Variants in ZC4H2 observed in about 807,000 individuals in gnomAD.
ZC4H2 encodes zinc finger C4H2 domain-containing protein.
For synonymous variants in ZC4H2, 84 were observed against 66.3 expected, an observed-to-expected ratio of 1.27 and a Z score of -1.30; for missense variants, 137 against 173.9, an observed-to-expected ratio of 0.79 and a Z score of 1.19.
At chrX:64,978,634 A>T (rs1168401602), upstream of ZC4H2, among the ~76,000 whole-genome samples, 3 of 111,984 alleles carry the variant, frequency 2.7e-5, no homozygotes, top group South Asian at 7.4e-4. Context: ...TGACTCAGAT[A>T]GGGAAAGTTG....
intron 1 of ZC4H2, among the ~76,000 whole-genome samples, chrX:64,924,877 G>A (rs748592151): frequency 4.0e-4 from 45 of 111,146 alleles, no homozygotes; most frequent in African/African-American, 1.4e-3. Flanking sequence ...AGAATGGGAC[G>A]AGTTGGGACT....
intron 1 of ZC4H2, among the ~76,000 whole-genome samples, chrX:65,018,073 T>G (rs1466537017): frequency 8.9e-6 from 1 of 112,074 alleles, no homozygotes; most frequent in African/African-American, 3.2e-5. Flanking sequence ...AAACTATGCA[T>G]CTGACAAGGG....
intron 1 of ZC4H2, among the ~76,000 whole-genome samples, chrX:65,006,216 C>A (rs953657465): frequency 1.3e-4 from 14 of 111,503 alleles, no homozygotes; most frequent in African/African-American, 4.3e-4. Context: ...TGGGTATATA[C>A]CCAAAGCATT....
chrX:64,958,969 T>C (rs770877807), intron 1 of ZC4H2, among the ~76,000 whole-genome samples: 23 of 111,353 alleles, frequency 2.1e-4, no homozygotes, highest in Non-Finnish European at 4.0e-4. Context: ...GACCCTCTGA[T>C]TTTCAGCTGG....
intron 1 of ZC4H2, among the ~76,000 whole-genome samples, chrX:64,964,505 A>G (rs1042881237): frequency 1.8e-5 from 2 of 111,791 alleles, no homozygotes; most frequent in African/African-American, 6.5e-5. Flanking sequence ...GCAAGATGAC[A>G]GTGGTGTATC....
chrX:64,961,449 T>C (rs1931386639), intron 1 of ZC4H2, among the ~76,000 whole-genome samples: 1 of 111,093 alleles, frequency 9.0e-6, no homozygotes, highest in Admixed American at 9.6e-5. Context: ...ATTTCTGCCA[T>C]GCCTCTACTT....
intron 1 of ZC4H2, among the ~76,000 whole-genome samples, chrX:65,007,705 A>T (rs1932690475): frequency 8.9e-6 from 1 of 112,079 alleles, no homozygotes; most frequent in Non-Finnish European, 1.9e-5. Flanking sequence ...TGATCAGAAG[A>T]ATCAATCACT....
At chrX:65,020,369 G>A (rs1932827826) in intron 1 of ZC4H2, among the ~76,000 whole-genome samples, 1 of 111,810 alleles carries the variant, frequency 8.9e-6, no homozygotes, top group Non-Finnish European at 1.9e-5. Flanking sequence ...AGAATAGTGT[G>A]GGGGCCAATA....
chrX:64,958,908 A>G (rs1400708575), intron 1 of ZC4H2, among the ~76,000 whole-genome samples: 3 of 111,361 alleles, frequency 2.7e-5, no homozygotes, highest in Non-Finnish European at 5.7e-5. Context: ...CTTAAACAAC[A>G]CAATACTTCC....
At chrX:65,013,204 C>G (rs976975062) in intron 1 of ZC4H2, among the ~76,000 whole-genome samples, 1 of 111,992 alleles carries the variant, frequency 8.9e-6, no homozygotes, top group African/African-American at 3.2e-5. Flanking sequence ...AGTGTCTAAC[C>G]TCCAACCCAG....
At position 64,976,341 on chromosome X, in the gene ZC4H2, T is replaced by C; in HGVS notation, c.37A>G (p.Ser13Gly). ...DEQEIMCKLESIKEIRNKTLQ... is the reference protein window; with the variant it reads ...DEQEIMCKLEGIKEIRNKTLQ... ...GCCACTTACCTGATCTCTTTAATGC[T>C]TTCCAATTTGCACATGATTTCTTGC... Residue 13 changes from serine (S) to glycine (G), a missense_variant, in exon 1 of 5, where the codon AGC becomes GGC. Coordinates refer to ENST00000374839, the MANE Select transcript of ZC4H2 (RefSeq NM_018684.4). 1 of 1,211,917 alleles carries C rather than the reference T, an allele frequency of 8.3e-7. No homozygotes were observed. Among genetic ancestry groups the C allele is most frequent in the South Asian group, 1.8e-5 (1 of 56,996 alleles).
upstream of ZC4H2, chrX:64,976,580 G>C: frequency 1.1e-5 from 5 of 436,840 alleles, no homozygotes; most frequent in South Asian, 1.8e-4. Flanking sequence ...CTCCCAGAAG[G>C]CCAAGCGAGA....
intron 1 of ZC4H2, among the ~76,000 whole-genome samples, chrX:64,953,252 C>T (rs922524638): frequency 2.7e-5 from 3 of 111,686 alleles, no homozygotes; most frequent in Admixed American, 1.9e-4. Context: ...ATTCAGGACA[C>T]AGGCATGGGC....
intron 1 of ZC4H2, among the ~76,000 whole-genome samples, chrX:64,923,898 C>T (rs948225399): frequency 1.3e-4 from 14 of 110,857 alleles, no homozygotes; most frequent in African/African-American, 4.6e-4. Context: ...ACAGGGTTAC[C>T]AGGCTGAAGG....
intron 1 of ZC4H2, among the ~76,000 whole-genome samples, chrX:65,030,276 C>A (rs773619873): frequency 9.0e-6 from 1 of 110,522 alleles, no homozygotes; most frequent in Non-Finnish European, 1.9e-5. Flanking sequence ...TGCCACCACA[C>A]CCAGCTAATT....
intron 1 of ZC4H2, among the ~76,000 whole-genome samples, chrX:65,010,495 C>T (rs1296122933): frequency 9.0e-6 from 1 of 111,523 alleles, no homozygotes; most frequent in Middle Eastern, 4.2e-3. Context: ...GACTTAAATT[C>T]CCATAAGGAA....
At chrX:64,974,973 CAAA>C (rs58569761) in intron 1 of ZC4H2, among the ~76,000 whole-genome samples, 537 of 35,861 alleles carry the variant, frequency 0.015, 16 homozygotes, top group Middle Eastern at 0.05. Context: ...ATGCTTTTGC[CAAA>C]AAAAAAAAAA....
chrX:64,990,176 C>T (rs189480151), intron 1 of ZC4H2, among the ~76,000 whole-genome samples: 1 of 112,281 alleles, frequency 8.9e-6, no homozygotes, highest in East Asian at 2.8e-4. Context: ...TATATCCATA[C>T]CATGGAATAC....
At position 64,954,342 on chromosome X, in the gene ZC4H2, ATATATATATAT is replaced by A. The variant is rs1309802439; in HGVS notation, c.53+21972_53+21982del. On this transcript the variant is annotated intron_variant, in intron 1 of 4. Transcript: ENST00000374839. ...ATTATATATATATATATATATAATT[ATATATATATAT>A]AATTATATATATATATATAATTATA... 5.4e-5 allele frequency among the ~76,000 whole-genome samples: 4 copies of A among 73,661 alleles called. No homozygotes were observed. In the Admixed American group the frequency reaches 6.0e-4, roughly 11 times the overall value. 64.0% of individuals were successfully genotyped at this position (73,661 alleles called of 115,157 possible). A position where few individuals can be genotyped will look rare whatever the true frequency, so the allele number is the denominator to read the frequency against.
Sources: gnomAD v4.1 joint callset for allele counts (sites outside exome capture counted in the v4.1 genomes callset) on GRCh38, gnomAD v4.1.1 for gene constraint, MANE v1.5 for transcripts, NCBI Gene and HGNC (gene_info 2026-07-23, HGNC 2026-07-21) for gene names.